PAH: variants seen among roughly 807,000 people sequenced by gnomAD.
PAH encodes phenylalanine-4-hydroxylase.
PAH carries 64 observed loss-of-function variants against 62.0 expected under a neutral mutation model. That is an observed-to-expected ratio of 1.03 (90% CI 0.84 to 1.27). PAH has a LOEUF of 1.27. Ranked by LOEUF, PAH falls within the 50% of genes most tolerant of loss-of-function variation. The probability of loss-of-function intolerance (pLI) is 0.00; values close to 1 mark genes in which losing one functional copy is unlikely to be tolerated. For synonymous variants in PAH, 195 were observed against 196.2 expected (o/e 0.99, Z 0.05); for missense variants, 579 against 542.8 (o/e 1.07, Z -0.66).
chr12:102,889,432 T>C (rs1877179710), intron 3 of PAH, among the ~76,000 whole-genome samples: 1 of 151,586 alleles, frequency 6.6e-6, no homozygotes, highest in South Asian at 2.1e-4. Flanking sequence ...GATAGATAGA[T>C]AGATAGATAG....
intron 1 of PAH, among the ~76,000 whole-genome samples, chr12:102,955,920 T>A (rs2136782312): frequency 6.6e-6 from 1 of 152,226 alleles, no homozygotes; most frequent in South Asian, 2.1e-4. Context: ...GTCCTATACC[T>A]CTGAAGCCTA....
chr12:102,889,402 CATAGATAGATAG>C (rs10526127), intron 3 of PAH, among the ~76,000 whole-genome samples: 5,605 of 147,978 alleles, frequency 0.038, 121 homozygotes, highest in South Asian at 0.058. Flanking sequence ...TCCCAGACAA[CATAGATAGATAG>C]ATAGATAGAT....
chr12:102,923,959 C>T (rs1429292267), intron 1 of PAH, among the ~76,000 whole-genome samples: 1 of 152,184 alleles, frequency 6.6e-6, no homozygotes, highest in Non-Finnish European at 1.5e-5. Context: ...GCTCAATATT[C>T]AAAGAAGTTA....
chr12:102,896,035 G>A (rs902912346), intron 2 of PAH, among the ~76,000 whole-genome samples: 3 of 152,012 alleles, frequency 2.0e-5, no homozygotes, highest in African/African-American at 7.3e-5. Flanking sequence ...TTACATTCAA[G>A]TTGAGGGGAT....
rs181992859 is a variant in PAH, at chr12:102,938,074, T to C, written c.-96+12515A>G. The stretch of plus-strand genomic sequence containing the variant: ...CACTATAAATTTTCCTTAGTACTGC[T>C]CTTCGACAAGATTGTCCAGGAAGCC... On this transcript the variant is annotated intron_variant, in intron 1 of 3. Transcript: ENST00000546844. Among the ~76,000 whole-genome samples the C allele has an allele frequency of 1.4e-3, 220 of 152,318 alleles. 2 individuals are homozygous for C. Among genetic ancestry groups the C allele is most frequent in the Non-Finnish European group, 2.7e-3 (182 of 68,020 alleles).
At chr12:102,941,206 CACA>C (rs895089300) in intron 1 of PAH, among the ~76,000 whole-genome samples, 61 of 152,170 alleles carry the variant, frequency 4.0e-4, no homozygotes, top group African/African-American at 1.5e-3. Flanking sequence ...CATTACTGGC[CACA>C]ACAATAAGTA....
At chr12:102,858,417 C>A (rs1875546233) in intron 5 of PAH, among the ~76,000 whole-genome samples, 1 of 152,180 alleles carries the variant, frequency 6.6e-6, no homozygotes, top group African/African-American at 2.4e-5. Context: ...GACAGATCAA[C>A]AAGAAAGAAA....
At chr12:102,916,719 C>A (rs1482995791) in intron 1 of PAH, 1 of 336,426 alleles carries the variant, frequency 3.0e-6, no homozygotes, top group African/African-American at 2.1e-5. Flanking sequence ...CATCCCAGAT[C>A]ATTAGGGACC....
chr12:102,891,624 G>A (rs1877277512), intron 3 of PAH, among the ~76,000 whole-genome samples: 2 of 152,170 alleles, frequency 1.3e-5, no homozygotes, highest in Non-Finnish European at 1.5e-5. Flanking sequence ...ATAAGGCAGA[G>A]GCTCTTGTGA....
intron 5 of PAH, among the ~76,000 whole-genome samples, chr12:102,860,235 T>A (rs1184856807): frequency 6.6e-6 from 1 of 152,090 alleles, no homozygotes. Context: ...CACAATTGCT[T>A]CAAAGAGAAT....
At position 102,929,901 on chromosome 12, in the gene PAH, T is replaced by C. The variant is rs117675309; in HGVS notation, c.-95-12676A>G. 5.5e-3 allele frequency among the ~76,000 whole-genome samples: 839 copies of C among 152,274 alleles called. 3 individuals carry two copies. Among genetic ancestry groups the C allele is most frequent in the Non-Finnish European group, 9.1e-3 (620 of 68,000 alleles). ...CTCAGAGATAGCTCCATCTCTGCTT[T>C]TGAAGGAACAAAGAGATCTATTGAG... On this transcript the variant is annotated intron_variant, in intron 1 of 3. Transcript: ENST00000546844.
At chr12:102,916,926 G>T in intron 1 of PAH, 145 bp downstream of exon 1, 1 of 779,102 alleles carries the variant, frequency 1.3e-6, no homozygotes, top group Non-Finnish European at 2.3e-6. Context: ...TTTGTCTGTT[G>T]ACTTCCTGGA....
chr12:102,896,968 G>T (rs1877531004), intron 2 of PAH, among the ~76,000 whole-genome samples: 1 of 152,156 alleles, frequency 6.6e-6, no homozygotes. Flanking sequence ...CACAGATGTG[G>T]TCATAAATTC....
At chr12:102,869,125 C>T (rs1186599080) in intron 4 of PAH, among the ~76,000 whole-genome samples, 1 of 152,186 alleles carries the variant, frequency 6.6e-6, no homozygotes, top group Non-Finnish European at 1.5e-5. Flanking sequence ...TTCCTTCAAT[C>T]CGTGGATTTC....
chr12:102,918,439 G>A (rs993663232), upstream of PAH, among the ~76,000 whole-genome samples: 2 of 147,566 alleles, frequency 1.4e-5, no homozygotes, highest in Middle Eastern at 3.4e-3. Context: ...CTTTGACCAA[G>A]CATCTGAAAA....
At chr12:102,848,760 T>TGGAGAGGTAGAGGGTAGACAGGA (rs1555204093) in intron 8 of PAH, among the ~76,000 whole-genome samples, 8 of 84,978 alleles carry the variant, frequency 9.4e-5, no homozygotes, top group African/African-American at 1.3e-4. Context: ...GGTAGACAGG[T>TGGAGAGGTAGAGGGTAGACAGGA]CACCAGGAGA....
intron 3 of PAH, among the ~76,000 whole-genome samples, chr12:102,888,853 T>C (rs149727852): frequency 6.6e-6 from 1 of 152,054 alleles, no homozygotes; most frequent in African/African-American, 2.4e-5. Flanking sequence ...TTTGCAAACA[T>C]GCAGATACTT....
intron 4 of PAH, among the ~76,000 whole-genome samples, chr12:102,867,701 A>T (rs1876038256): frequency 1.3e-5 from 2 of 151,946 alleles, no homozygotes; most frequent in African/African-American, 2.4e-5. Context: ...CACAGAGTGT[A>T]ATGTTTAAAG....
intron 2 of PAH, among the ~76,000 whole-genome samples, chr12:102,899,916 A>T (rs1210621754): frequency 6.7e-6 from 1 of 148,820 alleles, no homozygotes; most frequent in East Asian, 2.0e-4. Flanking sequence ...AACATGTATT[A>T]AAAAACGTGT....
Sources: gnomAD v4.1 joint callset for allele counts (sites outside exome capture counted in the v4.1 genomes callset) on GRCh38, gnomAD v4.1.1 for gene constraint, MANE v1.5 for transcripts, NCBI Gene and HGNC (gene_info 2026-07-23, HGNC 2026-07-21) for gene names.